The following SMU1 variants were observed in gnomAD, a reference collection of about 807,000 sequenced individuals.
SMU1 encodes SMU1 DNA replication regulator and spliceosomal factor.
In SMU1, 2 loss-of-function variants were observed where a neutral mutation model predicts 62.0. The ratio of observed to expected loss-of-function variants is 0.03; its 90% CI spans 0.01 to 0.10. The LOEUF (loss-of-function observed/expected upper bound fraction) is 0.10, where lower values mean the gene tolerates loss of function less well. SMU1 is among the 10% of genes least tolerant of loss of function. SMU1 has a pLI of 1.00. For synonymous variants in SMU1, 188 were observed against 212.4 expected (o/e 0.89, Z 1.00); for missense variants, 227 against 622.1 (o/e 0.36, Z 6.76).
Position 33,044,249 on chromosome 9 carries a change from G to C in SMU1, c.*3044C>G, listed in dbSNP as rs546594272. The C allele has an allele frequency of 6.6e-6, 1 of 152,404 alleles. No individual in the cohort carries two copies. The highest frequency in any genetic ancestry group is 2.4e-5 in the African/African-American group (1 of 41,444). The allele number at this position is 152,404 out of a possible 1,614,324, so 9.4% of individuals were successfully genotyped here. On this transcript the variant is annotated 3_prime_UTR_variant, in exon 12 of 12. Transcript: ENST00000397149. ...CAGAAGGAAGTGAGCACTGATTCCC[G>C]GCAGCCAACTCCCGTTCGCGCAGCC...
intron 1 of SMU1, among the ~76,000 whole-genome samples, chr9:33,074,738 G>A (rs1373822879): frequency 6.6e-6 from 1 of 151,606 alleles, no homozygotes; most frequent in Non-Finnish European, 1.5e-5. Context: ...TGTGGCTCTA[G>A]AGCATGTATT....
At position 33,048,137 on chromosome 9, in the gene SMU1, G is replaced by A; in HGVS notation, c.1412C>T (p.Thr471Ile). 1.2e-6 allele frequency: 2 copies of A among 1,614,046 alleles called. No individual in the cohort carries two copies. Among genetic ancestry groups the A allele is most frequent in the Non-Finnish European group, 8.5e-7 (1 of 1,180,018 alleles). The part of the protein sequence containing the change: ...GEDFVLYCFS[T>I]VTGKLERTLT... ...AGTTCTCTCCAGTTTGCCAGTGACT[G>A]TACTGAAACAGTAGAGCACAAAGTC... Residue 471 changes from threonine to isoleucine, a missense_variant, in exon 11 of 12, where the codon ACA becomes ATA. By Grantham distance (89) the Thr-to-Ile change is moderately conservative. Transcript: ENST00000397149.
chr9:33,060,756 T>A (rs10971374), intron 5 of SMU1, among the ~76,000 whole-genome samples, 172 bp from the exon 6 acceptor site: 1 of 152,156 alleles, frequency 6.6e-6, no homozygotes, highest in African/African-American at 2.4e-5. Context: ...GGTGGATGTA[T>A]TTTTCTCTGA....
rs1166967478 is a variant in SMU1, at chr9:33,043,262, C to CT, written c.*4030dup. 2.6e-5 allele frequency: 4 copies of CT among 152,320 alleles called. No individual in the cohort carries two copies. Among genetic ancestry groups the CT allele is most frequent in the African/African-American group, 9.6e-5 (4 of 41,568 alleles). The allele number at this position is 152,320 out of a possible 1,614,324, so 9.4% of individuals were successfully genotyped here. On this transcript the variant is annotated 3_prime_UTR_variant, in exon 12 of 12. Coordinates refer to ENST00000397149, the MANE Select transcript of SMU1 (RefSeq NM_018225.3). ...CACAGTGAATGAGAACACTAGCAAG[C>CT]TATGGCAATTTGAAAAAATGTGATT... is the stretch of plus-strand genomic sequence containing the variant.
intron 4 of SMU1, among the ~76,000 whole-genome samples, chr9:33,066,356 T>C (rs1460108781): frequency 6.6e-6 from 1 of 152,092 alleles, no homozygotes; most frequent in African/African-American, 2.4e-5. Flanking sequence ...ATTTCTATGC[T>C]TCCTTTCTCA....
Position 33,048,089 on chromosome 9 carries a change from TAGTA to T in SMU1, c.1443+13_1443+16del, listed in dbSNP as rs1487988610. ...CCTACCATATTTCTTTAGATGAACT[TAGTA>T]AGTAATACTCACTGTCAAAGTTCTC... On this transcript the variant is annotated intron_variant, in intron 11 of 11. Coordinates refer to ENST00000397149, the MANE Select transcript of SMU1 (RefSeq NM_018225.3). The T allele has an allele frequency of 1.2e-6, 2 of 1,608,940 alleles. No individual in the cohort carries two copies. Among genetic ancestry groups the T allele is most frequent in the South Asian group, 1.1e-5 (1 of 90,714 alleles).
rs1420280631 is a variant in SMU1 at position 33,057,474 on chromosome 9, T to C, written c.867+124A>G. On this transcript the variant is annotated intron_variant, in intron 7 of 11. Transcript: ENST00000397149. ...ATTACATAAGAAAAAGTAAAGTGATTAGCATAAAGCTGATGCTCAATAATC... is the reference window on the plus strand; with the variant it reads ...ATTACATAAGAAAAAGTAAAGTGATCAGCATAAAGCTGATGCTCAATAATC... 4.2e-6 allele frequency: 5 copies of C among 1,188,828 alleles called. No individual in the cohort carries two copies. In the African/African-American group the frequency reaches 4.6e-5, roughly 11 times the overall value. The allele number at this position is 1,188,828 out of a possible 1,614,324, so 73.6% of individuals were successfully genotyped here. A position where few individuals can be genotyped will look rare whatever the true frequency, so the allele number is the denominator to read the frequency against.
chr9:33,042,741 T>C lies in SMU1; in HGVS notation c.*4552A>G, dbSNP rs1474136431. On this transcript the variant is annotated 3_prime_UTR_variant, in exon 12 of 12. Transcript: ENST00000397149. Reference sequence around the variant, plus strand: ...GTTGAAAGCCACCAACACTGACACATGGATTTAATATTAACCACTTGGAAC... The same window carrying C: ...GTTGAAAGCCACCAACACTGACACACGGATTTAATATTAACCACTTGGAAC... 1 of 152,202 alleles carries C rather than the reference T, an allele frequency of 6.6e-6. No homozygotes were observed. Among genetic ancestry groups the C allele is most frequent in the African/African-American group, 2.4e-5 (1 of 41,448 alleles). 9.4% of individuals were successfully genotyped at this position (152,202 alleles called of 1,614,324 possible).
rs377458391 is a variant in SMU1, at chr9:33,050,200, T to C, written c.1291-1942A>G. Among the ~76,000 whole-genome samples, 16 of 152,118 alleles carry C rather than the reference T, an allele frequency of 1.1e-4. 4 individuals carry two copies. Among genetic ancestry groups the C allele is most frequent in the Admixed American group, 1.0e-3 (16 of 15,264 alleles). On this transcript the variant is annotated intron_variant, in intron 10 of 11. Coordinates refer to ENST00000397149, the MANE Select transcript of SMU1 (RefSeq NM_018225.3). Reference sequence around the variant, plus strand: ...AAATGAGATACCACTACACACCTATTATTTGAATGGCCAACATCCAGAACA... The same window carrying C: ...AAATGAGATACCACTACACACCTATCATTTGAATGGCCAACATCCAGAACA...
chr9:33,071,941 C>T (rs760621076), intron 2 of SMU1, 49 bp from the exon 3 acceptor site: 12 of 1,469,592 alleles, frequency 8.2e-6, no homozygotes, highest in African/African-American at 4.4e-5. Context: ...TTCAACACAC[C>T]GTCTTATTAA....
At chr9:33,051,755 A>C (rs944350675) in intron 10 of SMU1, among the ~76,000 whole-genome samples, 1 of 152,176 alleles carries the variant, frequency 6.6e-6, no homozygotes, top group Non-Finnish European at 1.5e-5. Context: ...CTTTGGGAAT[A>C]AAACCATTCT....
intron 1 of SMU1, among the ~76,000 whole-genome samples, chr9:33,075,975 C>T (rs1354454394): frequency 6.6e-6 from 1 of 152,146 alleles, no homozygotes; most frequent in Admixed American, 6.6e-5. Context: ...CCAGATCGGG[C>T]CTGATAGTTG....
Position 33,045,680 on chromosome 9 carries a change from A to T in SMU1, c.*1613T>A, listed in dbSNP as rs1839176137. ...GCCAACATGGCAAAACCCCCGCTCT[A>T]CTAAAAATACAAAAATTAGCCAGGC... On this transcript the variant is annotated 3_prime_UTR_variant, in exon 12 of 12. Coordinates refer to ENST00000397149, the MANE Select transcript of SMU1 (RefSeq NM_018225.3). 1 of 152,292 alleles carries T rather than the reference A, an allele frequency of 6.6e-6. No individual in the cohort carries two copies. The highest frequency in any genetic ancestry group is 1.5e-5 in the Non-Finnish European group (1 of 68,124). 9.4% of individuals were successfully genotyped at this position (152,292 alleles called of 1,614,324 possible).
chr9:33,074,462 T>C (rs950968737), intron 1 of SMU1, among the ~76,000 whole-genome samples: 9 of 150,698 alleles, frequency 6.0e-5, no homozygotes, highest in African/African-American at 2.2e-4. Flanking sequence ...AAAAAAAAAT[T>C]AGCTAGGCAT....
chr9:33,048,907 G>A (rs1196154260), intron 10 of SMU1, among the ~76,000 whole-genome samples: 2 of 152,072 alleles, frequency 1.3e-5, no homozygotes, highest in Non-Finnish European at 2.9e-5. Flanking sequence ...AAATACTTAG[G>A]TATAAATCTA....
intron 5 of SMU1, among the ~76,000 whole-genome samples, chr9:33,060,980 A>G (rs899443366): frequency 1.3e-5 from 2 of 152,220 alleles, no homozygotes; most frequent in African/African-American, 4.8e-5. Context: ...CTCAGGGGGA[A>G]AAAACTCATT....
intron 11 of SMU1, among the ~76,000 whole-genome samples, chr9:33,047,825 C>T (rs992896163): frequency 3.9e-5 from 6 of 152,072 alleles, no homozygotes; most frequent in African/African-American, 1.4e-4. Flanking sequence ...CACCACTGCA[C>T]TCCAGCCTGG....
chr9:33,052,631 C>A (rs1219571319), intron 10 of SMU1, among the ~76,000 whole-genome samples: 4 of 152,206 alleles, frequency 2.6e-5, no homozygotes, highest in Admixed American at 2.0e-4. Context: ...ATGCTTCTGA[C>A]ACCCCCAGTG....
chr9:33,067,685 G>C (rs1564024324), intron 4 of SMU1, among the ~76,000 whole-genome samples: 1 of 151,850 alleles, frequency 6.6e-6, no homozygotes, highest in South Asian at 2.1e-4. Flanking sequence ...TTTTAGTAGA[G>C]ACGGGGTTTC....
Sources: gnomAD v4.1 joint callset for allele counts (sites outside exome capture counted in the v4.1 genomes callset) on GRCh38, gnomAD v4.1.1 for gene constraint, MANE v1.5 for transcripts, NCBI Gene and HGNC (gene_info 2026-07-23, HGNC 2026-07-21) for gene names.